Variants in ATAD5 observed in about 807,000 individuals in gnomAD.
ATAD5 encodes the protein ATPase family AAA domain-containing protein 5.
ATAD5 carries 58 observed loss-of-function variants against 176.9 expected under a neutral mutation model. The ratio of observed to expected loss-of-function variants is 0.33; its 90% confidence interval spans 0.27 to 0.41. The LOEUF (loss-of-function observed/expected upper bound fraction) is 0.41, where lower values mean the gene tolerates loss of function less well. Among genes scored for constraint, ATAD5 ranks in the 10% least tolerant of loss-of-function variants. ATAD5 has a pLI of 1.00. For synonymous variants in ATAD5, 640 were observed against 712.6 expected (o/e 0.90, Z 1.62); for missense variants, 1,789 against 2,094.1 (o/e 0.85, Z 2.84).
At chr17:30,877,895 C>G in intron 16 of ATAD5, 108 bp from the exon 17 acceptor site, 2 of 783,418 alleles carry the variant, frequency 2.6e-6, no homozygotes, top group East Asian at 2.9e-5. Context: ...TGAATTCACA[C>G]TTCATAAATT....
In ATAD5 at chr17:30,848,175, G is replaced by C. The variant is rs1906652789; in HGVS notation, c.2450+3259G>C. Among the ~76,000 whole-genome samples, 3 of 151,920 alleles carry C rather than the reference G, an allele frequency of 2.0e-5. No homozygotes were observed. In the South Asian group the frequency reaches 6.2e-4, roughly 31 times the overall value. ...AACTGTTGTCCCAAGTTGTTGTTCG[G>C]TTTTACACTCCCACCAGCAATGTAT... On this transcript the variant is annotated intron_variant, in intron 6 of 22. Transcript: ENST00000321990.
chr17:30,852,178 TTATTA>T (rs1291011155), intron 6 of ATAD5, among the ~76,000 whole-genome samples: 8 of 152,262 alleles, frequency 5.3e-5, no homozygotes, highest in Non-Finnish European at 1.0e-4. Flanking sequence ...TTCTTCATTT[TTATTA>T]TATTCAGTGG....
intron 4 of ATAD5, among the ~76,000 whole-genome samples, chr17:30,841,685 GTC>G (rs1906131572): frequency 6.6e-6 from 1 of 152,054 alleles, no homozygotes; most frequent in Non-Finnish European, 1.5e-5. Flanking sequence ...ACCTGCTTCT[GTC>G]TCTGTAGATT....
At position 30,893,524 on chromosome 17, in the gene ATAD5, A is replaced by G; in HGVS notation, c.4671A>G (p.Pro1557=). ...LARKHSEREQ[P]LKKSQKKKQK... Reference sequence around the variant, plus strand: ...GGAAACACTCTGAAAGAGAACAGCCATTGAAAAAGTCCCAGAAAAAGAAAC... The same window carrying G: ...GGAAACACTCTGAAAGAGAACAGCCGTTGAAAAAGTCCCAGAAAAAGAAAC... The change falls in exon 21 of 23, where the codon CCA becomes CCG. Residue 1557 remains proline, a synonymous_variant. Transcript: ENST00000321990. 4 of 1,611,864 alleles carry G rather than the reference A, an allele frequency of 2.5e-6. No homozygotes were observed. Among genetic ancestry groups the G allele is most frequent in the Non-Finnish European group, 3.4e-6 (4 of 1,179,416 alleles).
chr17:30,884,817 G>A (rs982704250), intron 18 of ATAD5, among the ~76,000 whole-genome samples: 1 of 141,876 alleles, frequency 7.0e-6, no homozygotes, highest in African/African-American at 2.6e-5. Flanking sequence ...GTGCAATCTC[G>A]GCTCACTGCA....
At chr17:30,843,014 G>A (rs1191199363) in intron 4 of ATAD5, among the ~76,000 whole-genome samples, 1 of 151,770 alleles carries the variant, frequency 6.6e-6, no homozygotes, top group Non-Finnish European at 1.5e-5. Context: ...CAAGTGCTGA[G>A]ATTACAGGCG....
chr17:30,892,488 T>C lies in ATAD5; in HGVS notation c.4259-119T>C, dbSNP rs987090106. The C allele has an allele frequency of 2.0e-5, 11 of 559,692 alleles. No homozygotes were observed. The South Asian group carries it at 5.0e-4, about 25-fold the overall frequency. 34.7% of individuals were successfully genotyped at this position (559,692 alleles called of 1,614,324 possible). A position where few individuals can be genotyped will look rare whatever the true frequency, so the allele number is the denominator to read the frequency against. ...ACTCTTAATGAATTAAACACATATG[T>C]AGAGAACTAAATGGGGGTATTTGTC... On this transcript the variant is annotated intron_variant, in intron 19 of 22. Coordinates refer to ENST00000321990, the MANE Select transcript of ATAD5 (RefSeq NM_024857.5).
intron 19 of ATAD5, among the ~76,000 whole-genome samples, chr17:30,891,966 C>T (rs1909661733): frequency 6.6e-6 from 1 of 151,848 alleles, no homozygotes; most frequent in Non-Finnish European, 1.5e-5. Context: ...CTCAGCCTCC[C>T]AAAGTGCTGG....
intron 18 of ATAD5, among the ~76,000 whole-genome samples, chr17:30,881,830 C>T (rs1418074392): frequency 6.6e-6 from 1 of 152,092 alleles, no homozygotes; most frequent in Admixed American, 6.5e-5. Flanking sequence ...GGGAGGATCA[C>T]TTGAGTATGG....
At chr17:30,852,653 C>A (rs1432153517) in intron 6 of ATAD5, among the ~76,000 whole-genome samples, 1 of 152,062 alleles carries the variant, frequency 6.6e-6, no homozygotes, top group South Asian at 2.1e-4. Context: ...AGTGAGGCCT[C>A]AGTAATCTTC....
intron 9 of ATAD5, 102 bp from the exon 10 acceptor site, chr17:30,860,331 G>T (rs1331123940): frequency 3.7e-6 from 5 of 1,359,424 alleles, no homozygotes; most frequent in Non-Finnish European, 4.0e-6. Context: ...GATTGCCTTT[G>T]CATTTTAAAG....
In ATAD5 at chr17:30,893,274, T is replaced by C; in HGVS notation, c.4441-20T>C. 1 of 1,545,930 alleles carries C rather than the reference T, an allele frequency of 6.5e-7. No individual in the cohort carries two copies. Among genetic ancestry groups the C allele is most frequent in the Non-Finnish European group, 8.7e-7 (1 of 1,149,520 alleles). On this transcript the variant is annotated intron_variant, in intron 20 of 22. Transcript: ENST00000321990. ...ACTATGTACTGCTGTAACATTTCTT[T>C]ACTCAAAATTGTTTTTCAGCACAAA...
intron 2 of ATAD5, 145 bp from the exon 3 acceptor site, chr17:30,837,061 A>G (rs1209310085): frequency 1.9e-6 from 1 of 515,534 alleles, no homozygotes; most frequent in African/African-American, 2.0e-5. Context: ...CCTGGGGTCA[A>G]GCAATCCTTC....
intron 16 of ATAD5, 42 bp from the exon 17 acceptor site, chr17:30,877,961 T>C (rs1262089384): frequency 3.8e-6 from 5 of 1,316,374 alleles, no homozygotes; most frequent in African/African-American, 3.0e-5. Flanking sequence ...ATAACTGATA[T>C]TAGTAAGTGT....
At chr17:30,870,703 A>T (rs934561591) in intron 14 of ATAD5, among the ~76,000 whole-genome samples, 1 of 152,138 alleles carries the variant, frequency 6.6e-6, no homozygotes, top group Non-Finnish European at 1.5e-5. Flanking sequence ...TGTCCTAGCA[A>T]CCTTGACAGT....
Position 30,832,220 on chromosome 17 carries a change from A to G in ATAD5, c.-128A>G, listed in dbSNP as rs1597944946. 1 of 681,468 alleles carries G rather than the reference A, an allele frequency of 1.5e-6. No homozygotes were observed. The highest frequency in any genetic ancestry group is 2.2e-6 in the Non-Finnish European group (1 of 456,656). 42.2% of individuals were successfully genotyped at this position (681,468 alleles called of 1,614,324 possible). A position where few individuals can be genotyped will look rare whatever the true frequency, so the allele number is the denominator to read the frequency against. ...CGCTCTCTGTCGGTGGGCGCGGGGG[A>G]ATCCGAAACGGCTCAGCAGAATCCC... On this transcript the variant is annotated 5_prime_UTR_variant, in exon 1 of 23. Transcript: ENST00000321990.
chr17:30,835,869 A>T lies in ATAD5; in HGVS notation c.1788A>T (p.Arg596Ser), dbSNP rs769747259. The T allele has an allele frequency of 6.2e-7, 1 of 1,614,134 alleles. No homozygotes were observed. The highest frequency in any genetic ancestry group is 8.5e-7 in the Non-Finnish European group (1 of 1,180,016). Reference protein sequence around the residue: ...LNVSTPKSTRRSGRISSTPTT... With the variant: ...LNVSTPKSTRSSGRISSTPTT... ...TTTCCACGCCCAAGTCAACTAGAAG[A>T]TCTGGAAGAATTAGCAGCACACCTA... is the stretch of plus-strand genomic sequence containing the variant. Residue 596 changes from arginine (R) to serine (S), a missense_variant, in exon 2 of 23, where the codon AGA becomes AGT. Around this residue, in one of 6 missense-constraint regions of ATAD5, gnomAD observed 696 missense variants for 712.5 expected, o/e 0.98. Transcript: ENST00000321990.
chr17:30,869,247 G>C lies in ATAD5; in HGVS notation c.3314-1G>C, dbSNP rs1246890781. ...TTATATGCATTTGAATAATTTTTCA[G>C]ATTTCTCGGGTGGCATAGACTTTAA... On this transcript the variant is annotated splice_acceptor_variant, in intron 12 of 22. Transcript: ENST00000321990. LOFTEE classifies it high-confidence loss of function. 1 of 1,592,372 alleles carries C rather than the reference G, an allele frequency of 6.3e-7. No homozygotes were observed. Among genetic ancestry groups the C allele is most frequent in the East Asian group, 2.2e-5 (1 of 44,810 alleles).
intron 6 of ATAD5, among the ~76,000 whole-genome samples, chr17:30,852,044 A>G (rs1907001001): frequency 6.6e-6 from 1 of 152,208 alleles, no homozygotes; most frequent in Admixed American, 6.5e-5. Context: ...GACGAATTCC[A>G]ATGGAATTAA....
Sources: gnomAD v4.1 joint callset for allele counts (sites outside exome capture counted in the v4.1 genomes callset) on GRCh38, gnomAD v4.1.1 for gene constraint, gnomAD v4.1.1 regional missense constraint, MANE v1.5 for transcripts, NCBI Gene and HGNC (gene_info 2026-07-23, HGNC 2026-07-21) for gene names.